The following UACA variants were observed in gnomAD, a reference collection of about 807,000 sequenced individuals.
UACA encodes nuclear membrane binding protein.
In UACA, 112 loss-of-function variants were observed where a neutral mutation model predicts 160.5. That is an observed-to-expected ratio of 0.70 (90% CI 0.60 to 0.82). UACA has a LOEUF of 0.82. Among genes scored for constraint, UACA ranks in the 40% least tolerant of loss-of-function variants. UACA has a pLI of 0.00. For synonymous variants in UACA, 557 were observed against 568.4 expected, an observed-to-expected ratio of 0.98 and a Z score of 0.29; for missense variants, 1,574 against 1,614.6, an observed-to-expected ratio of 0.97 and a Z score of 0.43.
At chr15:70,741,080 G>C (rs1044892387) in intron 1 of UACA, among the ~76,000 whole-genome samples, 1 of 152,072 alleles carries the variant, frequency 6.6e-6, no homozygotes, top group Non-Finnish European at 1.5e-5. Context: ...GGGGGGCTGG[G>C]CTGAGAGTAG....
intron 7 of UACA, among the ~76,000 whole-genome samples, chr15:70,684,848 C>T (rs1897652680): frequency 6.6e-6 from 1 of 152,080 alleles, no homozygotes; most frequent in African/African-American, 2.4e-5. Flanking sequence ...AAAACATTTG[C>T]TTTGTCTTCT....
chr15:70,747,241 G>GT (rs549683234), intron 1 of UACA, among the ~76,000 whole-genome samples: 22,931 of 119,112 alleles, frequency 0.19, 2,963 homozygotes, highest in African/African-American at 0.34. Context: ...TGTTTTTTGG[G>GT]TTTTTTTTTT....
Position 70,667,722 on chromosome 15 carries a change from T to A in UACA, c.2962A>T (p.Ile988Phe), listed in dbSNP as rs565566100. ...QECIKVKYAP[I>F]VSFEECERKF... ...CTCTCGCACTCCTCAAAGCTGACAA[T>A]TGGGGCGTATTTTACCTTAATGCAT... is the stretch of plus-strand genomic sequence containing the variant. The change falls in exon 16 of 19, where the codon ATT (isoleucine) becomes TTT (phenylalanine). Residue 988 changes from isoleucine to phenylalanine, a missense_variant. Coordinates refer to ENST00000322954, the MANE Select transcript of UACA (RefSeq NM_018003.4). 2 of 1,614,064 alleles carry A rather than the reference T, an allele frequency of 1.2e-6. No homozygotes were observed. Among genetic ancestry groups the A allele is most frequent in the African/African-American group, 1.3e-5 (1 of 75,062 alleles).
Position 70,695,101 on chromosome 15 carries a change from G to A in UACA, c.217C>T (p.His73Tyr). The A allele has an allele frequency of 6.3e-7, 1 of 1,594,796 alleles. No individual in the cohort carries two copies. The highest frequency in any genetic ancestry group is 1.7e-5 in the Admixed American group (1 of 57,412). ...AGATTCCCCTTTGAGGTCACAACAT[G>A]GAAGCTAAACAAAAAAAAAATATTT... ...KLDVEGRSVF[H>Y]VVTSKGNLEC... Residue 73 changes from histidine to tyrosine, a missense_variant, in exon 3 of 19, where the codon CAT (histidine) becomes TAT (tyrosine). Transcript: ENST00000322954.
chr15:70,767,925 T>C (rs1490673284), upstream of UACA: 3 of 152,162 alleles, frequency 2.0e-5, no homozygotes, highest in Non-Finnish European at 4.4e-5. Flanking sequence ...CCTGAGGCAG[T>C]TCTCACACCC....
chr15:70,680,546 C>CCA (rs1566971946), intron 9 of UACA, among the ~76,000 whole-genome samples: 1 of 152,106 alleles, frequency 6.6e-6, no homozygotes, highest in Non-Finnish European at 1.5e-5. Context: ...TATTCTATAT[C>CCA]CACAATTTGG....
chr15:70,658,712 C>T (rs1046241445), intron 18 of UACA, among the ~76,000 whole-genome samples: 1 of 152,136 alleles, frequency 6.6e-6, no homozygotes, highest in African/African-American at 2.4e-5. Context: ...TCCCAACACA[C>T]ACATTTTTTT....
chr15:70,682,714 C>T, intron 9 of UACA, 44 bp downstream of exon 9: 2 of 1,270,954 alleles, frequency 1.6e-6, no homozygotes, highest in Non-Finnish European at 2.1e-6. Context: ...GCACTTTAAA[C>T]TATACAATAC....
chr15:70,743,306 T>G (rs1316329977), intron 1 of UACA, among the ~76,000 whole-genome samples: 1 of 152,218 alleles, frequency 6.6e-6, no homozygotes, highest in East Asian at 1.9e-4. Flanking sequence ...TAAACTAAAG[T>G]CAAATGATTA....
intron 1 of UACA, among the ~76,000 whole-genome samples, chr15:70,709,811 C>A (rs918440903): frequency 6.6e-6 from 1 of 152,058 alleles, no homozygotes; most frequent in African/African-American, 2.4e-5. Context: ...AATGGCTAGT[C>A]AACAAATCAT....
At chr15:70,660,505 AT>A in intron 17 of UACA, 1 of 342,804 alleles carries the variant, frequency 2.9e-6, no homozygotes, top group Non-Finnish European at 5.3e-6. Context: ...CACTTATCAC[AT>A]GTCTGGATTA....
At chr15:70,724,030 T>C (rs191677336) in intron 1 of UACA, among the ~76,000 whole-genome samples, 3 of 152,330 alleles carry the variant, frequency 2.0e-5, no homozygotes, top group East Asian at 3.9e-4. Context: ...ACTTATTACA[T>C]AGAGCTGTAG....
intron 1 of UACA, among the ~76,000 whole-genome samples, chr15:70,725,799 A>C (rs1227795432): frequency 6.6e-6 from 1 of 152,220 alleles, no homozygotes; most frequent in Non-Finnish European, 1.5e-5. Context: ...GCCATGCAGA[A>C]ACAATCCAAG....
intron 1 of UACA, among the ~76,000 whole-genome samples, chr15:70,741,910 C>T (rs1899549221): frequency 6.6e-6 from 1 of 152,144 alleles, no homozygotes; most frequent in East Asian, 1.9e-4. Context: ...AGCCTCCATG[C>T]ATTAAATGAG....
intron 13 of UACA, 137 bp downstream of exon 13, chr15:70,676,356 A>G: frequency 1.6e-6 from 1 of 615,226 alleles, no homozygotes; most frequent in Non-Finnish European, 2.7e-6. Context: ...CAAAGAGGCA[A>G]CAAGTTTGAA....
chr15:70,678,497 G>C (rs929140894), intron 10 of UACA, among the ~76,000 whole-genome samples: 1 of 152,060 alleles, frequency 6.6e-6, no homozygotes, highest in African/African-American at 2.4e-5. Context: ...ACACAGAAAA[G>C]AGCAAAAGAA....
chr15:70,697,606 A>G (rs1898175294), intron 2 of UACA, among the ~76,000 whole-genome samples: 1 of 152,374 alleles, frequency 6.6e-6, no homozygotes, highest in Non-Finnish European at 1.5e-5. Context: ...AAAAACAATC[A>G]TTTGAAACAA....
At chr15:70,750,113 C>G (rs1269601046) in intron 1 of UACA, among the ~76,000 whole-genome samples, 1 of 152,038 alleles carries the variant, frequency 6.6e-6, no homozygotes, top group East Asian at 1.9e-4. Context: ...CCAACTTGGG[C>G]CCTCCTCTCC....
chr15:70,762,922 AC>A (rs1354066027), intron 1 of UACA, among the ~76,000 whole-genome samples: 18 of 152,040 alleles, frequency 1.2e-4, no homozygotes, highest in Admixed American at 1.1e-3. Flanking sequence ...GGCCCCGGGG[AC>A]TGGGGAGCCA....
Sources: gnomAD v4.1 joint callset for allele counts (sites outside exome capture counted in the v4.1 genomes callset) on GRCh38, gnomAD v4.1.1 for gene constraint, MANE v1.5 for transcripts, NCBI Gene and HGNC (gene_info 2026-07-23, HGNC 2026-07-21) for gene names.